NAV1: variants seen among roughly 807,000 people sequenced by gnomAD.
NAV1 encodes pore membrane and/or filament interacting like protein 3.
A neutral mutation model predicts 175.2 loss-of-function variants in NAV1; 18 were observed. That is an observed-to-expected ratio of 0.10 (90% CI 0.07 to 0.15). The LOEUF is 0.15. NAV1 is among the 10% of genes least tolerant of loss of function. The pLI is 1.00. For synonymous variants in NAV1, 897 were observed against 978.7 expected (o/e 0.92, Z 1.56); for missense variants, 1,731 against 2,436.6 (o/e 0.71, Z 6.10).
At chr1:201,729,964 C>T (rs1398203384) in intron 3 of NAV1, among the ~76,000 whole-genome samples, 1 of 152,046 alleles carries the variant, frequency 6.6e-6, no homozygotes, top group South Asian at 2.1e-4. Flanking sequence ...GTAAATGTTA[C>T]CTCCATCCCT....
chr1:201,635,040 T>C (rs903083790), intron 2 of NAV1, among the ~76,000 whole-genome samples: 1 of 152,052 alleles, frequency 6.6e-6, no homozygotes, highest in African/African-American at 2.4e-5. Context: ...TTGTTTTGTT[T>C]TGTTTTTTGT....
rs186540556 is a variant in NAV1, at chr1:201,723,868, T to A, written c.1226+5113T>A. On this transcript the variant is annotated intron_variant, in intron 3 of 29. Transcript: ENST00000367296. ...ACCTATTGATTCAAATTCTGTCATC[T>A]GGGAAAAATAGAATAAGGGTGTAAC... 83 of 152,368 alleles carry A rather than the reference T, an allele frequency of 5.4e-4. 1 individual carries two copies. The highest frequency in any genetic ancestry group is 1.9e-3 in the African/African-American group (78 of 41,578). 9.4% of individuals were successfully genotyped at this position (152,368 alleles called of 1,614,324 possible).
chr1:201,825,663 T>C (rs147027619), exon 30 of NAV1: 4 of 152,290 alleles, frequency 2.6e-5, no homozygotes, highest in African/African-American at 9.6e-5. Flanking sequence ...TTGTTTTCTG[T>C]TTGTTTGTTT....
chr1:201,781,461 G>A (rs1676319788), intron 5 of NAV1, 152 bp downstream of exon 9: 2 of 756,542 alleles, frequency 2.6e-6, no homozygotes, highest in Non-Finnish European at 4.0e-6. Context: ...AGTCCCGTGA[G>A]TTAGGAAAGA....
intron 1 of NAV1, among the ~76,000 whole-genome samples, chr1:201,624,494 C>G (rs1471923733): frequency 6.6e-6 from 1 of 151,752 alleles, no homozygotes; most frequent in Non-Finnish European, 1.5e-5. Context: ...CAGGCGCCCA[C>G]CACCACACCT....
In NAV1 at chr1:201,819,830, C is replaced by T. The variant is rs540963784; in HGVS notation, c.5539-7C>T. The T allele has an allele frequency of 6.2e-7, 1 of 1,613,730 alleles. No individual in the cohort carries two copies. The highest frequency in any genetic ancestry group is 1.7e-5 in the Admixed American group (1 of 59,998). ...TCTCATAAATCCATCTTTTTGCCCC[C>T]CTTTAGATGGCCATGCTGCTGAAAC... On this transcript the variant is annotated splice_polypyrimidine_tract_variant and splice_region_variant and intron_variant, in intron 29 of 29. Coordinates refer to ENST00000367296, the Ensembl canonical transcript of NAV1.
intron 1 of NAV1, among the ~76,000 whole-genome samples, chr1:201,573,794 G>C (rs1470559130): frequency 6.7e-6 from 1 of 149,104 alleles, no homozygotes; most frequent in Non-Finnish European, 1.5e-5. Context: ...TGGGCATTGT[G>C]TCCAAAAAAT....
chr1:201,782,275 A>G lies in NAV1; in HGVS notation c.1763A>G (p.Asp588Gly). Residue 588 changes from aspartate (D) to glycine (G), a missense_variant, in exon 6 of 30, where the codon GAT becomes GGT. Around this residue, in one of 13 missense-constraint regions of NAV1, gnomAD observed 634 missense variants for 766.8 expected, o/e 0.83. Transcript: ENST00000367296. This position sits in a 1 kb window ranked among gnomAD's most constrained non-coding sequence, Gnocchi z 5.4. The stretch of plus-strand genomic sequence containing the variant: ...GATGCTGGTCGGGACCGCCTGAGTG[A>G]TGCTAAGAAGCCCCCCTCGGGCATT... The G allele has an allele frequency of 5.6e-6, 9 of 1,614,132 alleles. No individual in the cohort carries two copies. The highest frequency in any genetic ancestry group is 7.6e-6 in the Non-Finnish European group (9 of 1,180,036).
chr1:201,807,101 G>A lies in NAV1; in HGVS notation c.3649-852G>A, dbSNP rs1264315959. On this transcript the variant is annotated intron_variant, in intron 17 of 29. Transcript: ENST00000367296. This position sits in a 1 kb window ranked among gnomAD's most constrained non-coding sequence, Gnocchi z 5.4. ...GCATGCTGTATGGATGCATGTGGAT[G>A]GGTATGGGACAGGACCCTGGTTTGC... Among the ~76,000 whole-genome samples, 2 of 151,888 alleles carry A rather than the reference G, an allele frequency of 1.3e-5. No individual in the cohort carries two copies. The highest frequency in any genetic ancestry group is 4.8e-5 in the African/African-American group (2 of 41,330).
intron 1 of NAV1, among the ~76,000 whole-genome samples, chr1:201,686,104 A>G (rs1312412150): frequency 6.6e-6 from 1 of 152,164 alleles, no homozygotes; most frequent in Non-Finnish European, 1.5e-5. Context: ...GGAGAGATGC[A>G]CACCTAATAA....
intron 1 of NAV1, among the ~76,000 whole-genome samples, chr1:201,655,117 C>G (rs1275249919): frequency 1.3e-5 from 2 of 152,116 alleles, no homozygotes; most frequent in African/African-American, 4.8e-5. Context: ...GATGTCTGAC[C>G]TGTTCACCCT....
At chr1:201,790,796 G>C in intron 13 of NAV1, 30 bp downstream of exon 17, 1 of 1,612,140 alleles carries the variant, frequency 6.2e-7, no homozygotes, top group Non-Finnish European at 8.5e-7. Flanking sequence ...GAAAGATCAA[G>C]GCAGTTATTT....
At chr1:201,790,724 C>T (rs890392519) in exon 13 of NAV1, 1 of 1,614,042 alleles carries the variant, frequency 6.2e-7, no homozygotes, top group Non-Finnish European at 8.5e-7. Flanking sequence ...TGGAATCATC[C>T]CAGGAAAAAG....
chr1:201,712,972 C>A, intron 2 of NAV1, 53 bp downstream of exon 6: 2 of 1,426,670 alleles, frequency 1.4e-6, no homozygotes, highest in African/African-American at 1.4e-5. Flanking sequence ...GGCTCTCCAC[C>A]CCATTCTGGA....
At chr1:201,823,853 G>T (rs999745973) in exon 30 of NAV1, 2 of 152,168 alleles carry the variant, frequency 1.3e-5, no homozygotes, top group African/African-American at 4.8e-5. Context: ...CCTTACAGTG[G>T]TCTGAGGAGT....
At chr1:201,697,770 T>TCCCATC (rs774037151) in intron 1 of NAV1, among the ~76,000 whole-genome samples, 4 of 152,116 alleles carry the variant, frequency 2.6e-5, no homozygotes, top group Admixed American at 6.6e-5. Flanking sequence ...TCCATCCCAT[T>TCCCATC]CCCATCCCCA....
chr1:201,712,901 G>A, exon 2 of NAV1: 1 of 1,613,502 alleles, frequency 6.2e-7, no homozygotes. Context: ...AGCCTGCGAG[G>A]GTCCCAGGTG....
At position 201,639,218 on chromosome 1, in the gene NAV1, A is replaced by G. The variant is rs139501720; in HGVS notation, c.5-9416A>G. 3.6e-3 allele frequency among the ~76,000 whole-genome samples: 547 copies of G among 152,342 alleles called. 3 individuals carry two copies. The highest frequency in any genetic ancestry group is 5.7e-3 in the Non-Finnish European group (390 of 68,028). ...GTCAAAGTTGTCAGCAGGTGAAGCC[A>G]GAGTGGGGAAGGGCTTGAGTACTGC... On this transcript the variant is annotated intron_variant, in intron 2 of 29. Coordinates refer to the NAV1 transcript ENST00000367302.
intron 1 of NAV1, among the ~76,000 whole-genome samples, chr1:201,650,015 G>T (rs1056076812): frequency 6.6e-6 from 1 of 152,226 alleles, no homozygotes; most frequent in African/African-American, 2.4e-5. Context: ...GCTGCCAGCT[G>T]TGCGCATCTG....
Sources: gnomAD v4.1 joint callset for allele counts (sites outside exome capture counted in the v4.1 genomes callset) on GRCh38, gnomAD v4.1.1 for gene constraint, gnomAD v4.1.1 regional missense constraint, Gnocchi (gnomAD v3.1) non-coding constraint, MANE v1.5 for transcripts, NCBI Gene and HGNC (gene_info 2026-07-23, HGNC 2026-07-21) for gene names.